The following EIF1AX variants were observed in gnomAD, a reference collection of about 807,000 sequenced individuals.
EIF1AX encodes eukaryotic translation initiation factor 1A X-linked, also known as eukaryotic translation initiation factor 1A, X-chromosomal.
In EIF1AX, 1 loss-of-function variant was observed where a neutral mutation model predicts 16.1. The ratio of observed to expected loss-of-function variants is 0.06; its 90% CI spans 0.02 to 0.30. The LOEUF is 0.30. Ranked by LOEUF, EIF1AX falls within the 10% of genes least tolerant of loss-of-function variation. EIF1AX has a pLI of 1.00. For synonymous variants in EIF1AX, 32 were observed against 37.3 expected, an observed-to-expected ratio of 0.86 and a Z score of 0.51; for missense variants, 11 against 109.1, an observed-to-expected ratio of 0.10 and a Z score of 4.00.
chrX:20,128,384 GGA>G (rs2066991616), intron 6 of EIF1AX, 73 bp from the exon 7 acceptor site: 2 of 943,874 alleles, frequency 2.1e-6, no homozygotes, highest in Non-Finnish European at 1.5e-6. Context: ...CATATATAAG[GGA>G]GACTTTCACC....
chrX:20,141,691 G>A lies in EIF1AX; in HGVS notation c.-51C>T, dbSNP rs2067034813. The stretch of plus-strand genomic sequence containing the variant: ...CTCTGACTTCTTTCCGGGTAGCGGC[G>A]ACCGCGGCGGCTGCTGCTCCGAGGG... On this transcript the variant is annotated 5_prime_UTR_variant, in exon 1 of 7. Coordinates refer to ENST00000379607, the MANE Select transcript of EIF1AX (RefSeq NM_001412.4). 2 of 1,124,424 alleles carry A rather than the reference G, an allele frequency of 1.8e-6. No homozygotes were observed. The highest frequency in any genetic ancestry group is 3.4e-5 in the East Asian group (1 of 29,083). The allele number at this position is 1,124,424 out of a possible 1,213,427, so 92.7% of individuals were successfully genotyped here.
intron 2 of EIF1AX, among the ~76,000 whole-genome samples, chrX:20,138,315 T>A (rs1820036831): frequency 9.1e-6 from 1 of 110,060 alleles, no homozygotes; most frequent in South Asian, 3.9e-4. Flanking sequence ...AAAAAATTTT[T>A]AAAATTAGCC....
At chrX:20,135,551 C>T (rs1011840984) in intron 3 of EIF1AX, among the ~76,000 whole-genome samples, 187 bp downstream of exon 3, 2 of 111,983 alleles carry the variant, frequency 1.8e-5, no homozygotes, top group Non-Finnish European at 3.8e-5. Context: ...ACAAATGCTT[C>T]TTTAACATTA....
chrX:20,129,784 A>G (rs982430201), intron 6 of EIF1AX, among the ~76,000 whole-genome samples: 2 of 112,331 alleles, frequency 1.8e-5, no homozygotes, highest in Non-Finnish European at 3.8e-5. Context: ...CCAATGCTTC[A>G]TATCAAGCTG....
intron 1 of EIF1AX, among the ~76,000 whole-genome samples, chrX:20,140,843 TTTG>T (rs2067031734): frequency 9.1e-6 from 1 of 110,186 alleles, no homozygotes; most frequent in South Asian, 3.7e-4. Context: ...TGTTCTGTTT[TTTG>T]TTTTTGTTTT....
intron 6 of EIF1AX, among the ~76,000 whole-genome samples, chrX:20,129,134 C>T: frequency 9.0e-6 from 1 of 111,412 alleles, no homozygotes; most frequent in Admixed American, 9.5e-5. Flanking sequence ...AATAACAGAA[C>T]AACATGTTTA....
rs1407609567 is a variant in EIF1AX at position 20,125,945 on chromosome X, T to A, written c.*2361A>T. The A allele has an allele frequency of 1.6e-5, 2 of 123,437 alleles. No homozygotes were observed. Among genetic ancestry groups the A allele is most frequent in the Non-Finnish European group, 2.9e-5 (2 of 69,300 alleles). The allele number at this position is 123,437 out of a possible 1,213,427, so 10.2% of individuals were successfully genotyped here. A position where few individuals can be genotyped will look rare whatever the true frequency, so the allele number is the denominator to read the frequency against. ...TGCTTAAGAAATATTCAACAAACAA[T>A]GAAATCTTGGCTTTTTTTTTTTTTT... On this transcript the variant is annotated 3_prime_UTR_variant, in exon 7 of 7. Coordinates refer to ENST00000379607, the MANE Select transcript of EIF1AX (RefSeq NM_001412.4).
chrX:20,132,331 C>A, intron 4 of EIF1AX, 68 bp from the exon 5 acceptor site: 1 of 701,401 alleles, frequency 1.4e-6, no homozygotes, highest in South Asian at 3.1e-5. Context: ...TTCATAAATT[C>A]TCATATTGAA....
At chrX:20,139,601 C>G (rs2067027788) in intron 1 of EIF1AX, among the ~76,000 whole-genome samples, 1 of 111,205 alleles carries the variant, frequency 9.0e-6, no homozygotes, top group African/African-American at 3.3e-5. Context: ...CATTGGCAGC[C>G]ATTTCCAAAA....
rs889726649 is a variant in EIF1AX at position 20,124,997 on chromosome X, G to A, written c.*3309C>T. 8.2e-5 allele frequency: 12 copies of A among 146,431 alleles called. No individual in the cohort carries two copies. Among genetic ancestry groups the A allele is most frequent in the African/African-American group, 3.7e-4 (12 of 32,403 alleles). The allele number at this position is 146,431 out of a possible 1,213,427, so 12.1% of individuals were successfully genotyped here. On this transcript the variant is annotated 3_prime_UTR_variant, in exon 7 of 7. Transcript: ENST00000379607. ...GTGAAAAGAGCAGACACTGATCTAA[G>A]TACATTACATGTATAAACATCTAAA...
chrX:20,141,615 G>T lies in EIF1AX; in HGVS notation c.16+10C>A. The T allele has an allele frequency of 8.6e-7, 1 of 1,156,703 alleles. No homozygotes were observed. The highest frequency in any genetic ancestry group is 1.8e-5 in the African/African-American group (1 of 55,358). ...GCAGAGCCGTGGTCCGGGGGTCCGG[G>T]CGGCATTACCTTTATTCTTGGGCAT... On this transcript the variant is annotated intron_variant, in intron 1 of 6. Coordinates refer to ENST00000379607, the MANE Select transcript of EIF1AX (RefSeq NM_001412.4).
chrX:20,136,622 A>G (rs746807495), intron 2 of EIF1AX, among the ~76,000 whole-genome samples: 19 of 112,204 alleles, frequency 1.7e-4, no homozygotes, highest in Admixed American at 4.7e-4. Flanking sequence ...ACTAATCCCC[A>G]GAGAGGATGT....
At chrX:20,130,443 T>C (rs756737751) in intron 6 of EIF1AX, 73 bp downstream of exon 6, 9 of 1,050,628 alleles carry the variant, frequency 8.6e-6, no homozygotes, top group African/African-American at 1.9e-5. Flanking sequence ...TTAAAATTAA[T>C]GGATGTTAGG....
At chrX:20,129,857 G>A (rs1261402947) in intron 6 of EIF1AX, among the ~76,000 whole-genome samples, 1 of 112,334 alleles carries the variant, frequency 8.9e-6, no homozygotes, top group Non-Finnish European at 1.9e-5. Context: ...CCTTTGATAA[G>A]ATCTATTTTT....
intron 5 of EIF1AX, among the ~76,000 whole-genome samples, chrX:20,131,854 G>A (rs963608675): frequency 1.9e-5 from 2 of 107,711 alleles, no homozygotes; most frequent in African/African-American, 3.4e-5. Context: ...CACCATGCCC[G>A]GCTGACTTGC....
At chrX:20,133,389 C>A (rs997410499) in intron 4 of EIF1AX, among the ~76,000 whole-genome samples, 1 of 111,414 alleles carries the variant, frequency 9.0e-6, no homozygotes, top group African/African-American at 3.3e-5. Flanking sequence ...CAGCACTGCA[C>A]CCATCCCCCA....
intron 1 of EIF1AX, 72 bp from the exon 2 acceptor site, chrX:20,138,694 A>T: frequency 1.3e-6 from 1 of 769,314 alleles, no homozygotes. Context: ...AATAAAATGA[A>T]ATTAAGGCTT....
rs762592886 is a variant in EIF1AX at position 20,136,287 on chromosome X, A to G, written c.101-446T>C. 373 of 366,733 alleles carry G rather than the reference A, an allele frequency of 1.0e-3. 2 individuals are homozygous for G. The highest frequency in any genetic ancestry group is 8.6e-3 in the African/African-American group (335 of 38,877). The allele number at this position is 366,733 out of a possible 1,213,427, so 30.2% of individuals were successfully genotyped here. ...CAGACATATGCCCTTATTGTTTTAC[A>G]TTGTTTTATAGTTCTGCTTCTCAGA... On this transcript the variant is annotated intron_variant, in intron 2 of 6. Transcript: ENST00000379607.
chrX:20,129,711 T>C (rs1214359003), intron 6 of EIF1AX, among the ~76,000 whole-genome samples: 1 of 112,081 alleles, frequency 8.9e-6, no homozygotes, highest in Non-Finnish European at 1.9e-5. Flanking sequence ...ACCCAACAGC[T>C]AAAAATACCA....
Sources: gnomAD v4.1 joint callset for allele counts (sites outside exome capture counted in the v4.1 genomes callset) on GRCh38, gnomAD v4.1.1 for gene constraint, MANE v1.5 for transcripts, NCBI Gene and HGNC (gene_info 2026-07-23, HGNC 2026-07-21) for gene names.